The following EIF2B3 variants were observed in gnomAD, a reference collection of about 807,000 sequenced individuals.
EIF2B3 encodes the protein translation initiation factor eIF2B subunit gamma.
In EIF2B3, 20 loss-of-function variants were observed where a neutral mutation model predicts 54.1. The observed-to-expected ratio is 0.37, with a 90% CI of 0.26 to 0.54. The LOEUF (loss-of-function observed/expected upper bound fraction) is 0.54. EIF2B3 is among the 20% of genes least tolerant of loss of function. EIF2B3 has a pLI of 0.86. For synonymous variants in EIF2B3, 153 were observed against 188.1 expected, an observed-to-expected ratio of 0.81 and a Z score of 1.52; for missense variants, 448 against 547.8, an observed-to-expected ratio of 0.82 and a Z score of 1.82.
intron 1 of EIF2B3, among the ~76,000 whole-genome samples, chr1:44,984,997 G>A (rs1038070033): frequency 2.7e-5 from 4 of 150,284 alleles, no homozygotes; most frequent in Non-Finnish European, 4.4e-5. Context: ...TAGTAGAGAC[G>A]GGGTTTCACC....
intron 5 of EIF2B3, among the ~76,000 whole-genome samples, chr1:44,907,777 G>A (rs1274380836): frequency 1.3e-5 from 2 of 150,470 alleles, no homozygotes; most frequent in Admixed American, 6.7e-5. Flanking sequence ...GTGCATGCCA[G>A]CTACTCGGTG....
chr1:44,901,506 C>G (rs1464818226), intron 5 of EIF2B3, among the ~76,000 whole-genome samples: 1 of 151,712 alleles, frequency 6.6e-6, no homozygotes, highest in Admixed American at 6.6e-5. Context: ...CTGCCTCAGA[C>G]TCCCAAAGCG....
chr1:44,929,363 C>T (rs1016005328), intron 4 of EIF2B3, among the ~76,000 whole-genome samples: 7 of 152,118 alleles, frequency 4.6e-5, no homozygotes, highest in African/African-American at 9.7e-5. Context: ...TTGTACAATA[C>T]GTTTAGCTCA....
chr1:44,857,593 C>G, intron 11 of EIF2B3, 111 bp downstream of exon 11: 1 of 982,852 alleles, frequency 1.0e-6, no homozygotes, highest in Non-Finnish European at 1.6e-6. Flanking sequence ...AATTTATGTT[C>G]TCGCCCGCAG....
chr1:44,887,171 G>C (rs263960), intron 6 of EIF2B3, among the ~76,000 whole-genome samples: 38,244 of 152,046 alleles, frequency 0.25, 5,973 homozygotes, highest in African/African-American at 0.45. Flanking sequence ...AGAAACTTGA[G>C]TGGGTCCAGG....
intron 5 of EIF2B3, among the ~76,000 whole-genome samples, chr1:44,905,678 A>G (rs1643398841): frequency 6.6e-6 from 1 of 152,190 alleles, no homozygotes; most frequent in Non-Finnish European, 1.5e-5. Context: ...TAATTGGATG[A>G]GGCCCACCCA....
chr1:44,963,314 G>C (rs139006950), intron 3 of EIF2B3, among the ~76,000 whole-genome samples: 5 of 149,576 alleles, frequency 3.3e-5, no homozygotes, highest in African/African-American at 1.2e-4. Context: ...TCTGTTGCTC[G>C]GGCTGAAGTG....
At chr1:44,976,114 T>C (rs973429045) in intron 3 of EIF2B3, among the ~76,000 whole-genome samples, 16 of 152,124 alleles carry the variant, frequency 1.1e-4, no homozygotes, top group African/African-American at 3.9e-4. Flanking sequence ...AATCAGTAAT[T>C]TGGATTTCAT....
At position 44,942,417 on chromosome 1, in the gene EIF2B3, A is replaced by AT. The variant is rs34978668; in HGVS notation, c.295-753dup. On this transcript the variant is annotated intron_variant, in intron 3 of 11. Coordinates refer to ENST00000360403, the MANE Select transcript of EIF2B3 (RefSeq NM_020365.5). ...TATATATATATATATATATATATATATTTTTTTTTTTTTTTTTTTTTTTTT... is the reference window on the plus strand; with the variant it reads ...TATATATATATATATATATATATATATTTTTTTTTTTTTTTTTTTTTTTTTT... 3.7e-3 allele frequency among the ~76,000 whole-genome samples: 19 copies of AT among 5,190 alleles called. 6 individuals carry two copies. Among genetic ancestry groups the AT allele is most frequent in the Admixed American group, 0.011 (2 of 178 alleles). The allele number at this position is 5,190 out of a possible 152,430, so 3.4% of individuals were successfully genotyped here.
intron 3 of EIF2B3, among the ~76,000 whole-genome samples, chr1:44,952,371 A>G (rs1479536510): frequency 6.6e-6 from 1 of 152,004 alleles, no homozygotes; most frequent in African/African-American, 2.4e-5. Flanking sequence ...AAGTGCTGGG[A>G]TTACCAGCGT....
chr1:44,926,997 T>TAGC (rs1643861678), intron 4 of EIF2B3, among the ~76,000 whole-genome samples: 1 of 150,896 alleles, frequency 6.6e-6, no homozygotes, highest in African/African-American at 2.5e-5. Context: ...TAGCCGAGTG[T>TAGC]GGTGTTACGC....
intron 1 of EIF2B3, among the ~76,000 whole-genome samples, chr1:44,984,797 C>CTTTTT (rs71040529): frequency 0.081 from 7,135 of 88,316 alleles, 1,978 homozygotes; most frequent in African/African-American, 0.33. Context: ...TAATGTCCAT[C>CTTTTT]TTTTTTTTTT....
At chr1:44,852,779 C>CAAAAAA (rs35073051) in intron 11 of EIF2B3, among the ~76,000 whole-genome samples, 1 of 111,936 alleles carries the variant, frequency 8.9e-6, no homozygotes, top group Non-Finnish European at 2.0e-5. Flanking sequence ...AACTCTGTCT[C>CAAAAAA]AAAAAAAAAA....
chr1:44,955,753 T>C (rs1345128626), intron 3 of EIF2B3, among the ~76,000 whole-genome samples: 1 of 151,674 alleles, frequency 6.6e-6, no homozygotes, highest in Non-Finnish European at 1.5e-5. Context: ...AAGAAACATA[T>C]GAAAAAAAGC....
At chr1:44,964,173 C>G (rs114911482) in intron 3 of EIF2B3, among the ~76,000 whole-genome samples, 1,602 of 150,724 alleles carry the variant, frequency 0.011, 33 homozygotes, top group African/African-American at 0.037. Flanking sequence ...ATATCCAACT[C>G]GTTTCTGCCA....
chr1:44,951,864 T>A (rs1329334082), intron 3 of EIF2B3, among the ~76,000 whole-genome samples: 3 of 150,198 alleles, frequency 2.0e-5, no homozygotes, highest in African/African-American at 7.4e-5. Flanking sequence ...CTCAGCTCAC[T>A]GCAGCCTCCG....
intron 10 of EIF2B3, among the ~76,000 whole-genome samples, chr1:44,861,786 G>GC (rs1654615596): frequency 6.6e-6 from 1 of 152,186 alleles, no homozygotes; most frequent in Admixed American, 6.5e-5. Flanking sequence ...GAGGCTCCTG[G>GC]TAAGTGGATC....
intron 5 of EIF2B3, among the ~76,000 whole-genome samples, chr1:44,913,702 A>ATGT (rs1643563926): frequency 6.7e-6 from 1 of 149,196 alleles, no homozygotes; most frequent in Non-Finnish European, 1.5e-5. Flanking sequence ...GGGTCACAGG[A>ATGT]TGTTGCCCAG....
intron 5 of EIF2B3, among the ~76,000 whole-genome samples, chr1:44,915,501 A>G (rs1643603525): frequency 6.6e-6 from 1 of 151,818 alleles, no homozygotes; most frequent in South Asian, 2.1e-4. Flanking sequence ...AGCTGGGATT[A>G]AAGACATGTG....
Sources: allele counts gnomAD v4.1 joint callset (sites outside exome capture counted in the v4.1 genomes callset), GRCh38; gene constraint gnomAD v4.1.1; transcripts MANE v1.5; gene names NCBI Gene and HGNC (gene_info 2026-07-23, HGNC 2026-07-21).